The following TLE1 variants were observed in gnomAD, a reference collection of about 807,000 sequenced individuals.
The protein encoded by TLE1 is TLE family member 1, transcriptional corepressor.
TLE1 carries 21 observed loss-of-function variants against 89.8 expected under a neutral mutation model. The ratio of observed to expected loss-of-function variants is 0.23; its 90% confidence interval spans 0.17 to 0.34. The LOEUF is 0.34. Among genes scored for constraint, TLE1 ranks in the 10% least tolerant of loss-of-function variants. The pLI is 1.00. For synonymous variants in TLE1, 447 were observed against 407.6 expected (o/e 1.10, Z -1.16); for missense variants, 795 against 1,031.2 (o/e 0.77, Z 3.14).
intron 4 of TLE1, among the ~76,000 whole-genome samples, chr9:81,656,127 C>T (rs1725661757): frequency 2.0e-5 from 3 of 152,092 alleles, no homozygotes; most frequent in South Asian, 4.1e-4. Flanking sequence ...CTTTAGCCAG[C>T]GAGGCAGATA....
intron 14 of TLE1, among the ~76,000 whole-genome samples, chr9:81,597,057 G>C (rs1830315403): frequency 6.6e-6 from 1 of 152,140 alleles, no homozygotes; most frequent in Non-Finnish European, 1.5e-5. Context: ...ACCTCTCTCT[G>C]GTTCTCTGGC....
At chr9:81,678,571 T>C (rs1833192414) in intron 4 of TLE1, among the ~76,000 whole-genome samples, 1 of 152,090 alleles carries the variant, frequency 6.6e-6, no homozygotes, top group Non-Finnish European at 1.5e-5. Context: ...TTCCAGCACT[T>C]TGGGAGGCTG....
intron 8 of TLE1, among the ~76,000 whole-genome samples, chr9:81,627,344 C>G (rs1432185544): frequency 1.3e-5 from 2 of 151,250 alleles, no homozygotes; most frequent in Non-Finnish European, 2.9e-5. Context: ...AGTAAAGATG[C>G]CCTATTTTCA....
chr9:81,649,399 ATGTCCTTG>A (rs1829263716), intron 6 of TLE1, among the ~76,000 whole-genome samples: 2 of 152,152 alleles, frequency 1.3e-5, no homozygotes, highest in African/African-American at 2.4e-5. Flanking sequence ...TAGAAGCTGG[ATGTCCTTG>A]AGATGATTTA....
At chr9:81,610,361 A>G in intron 13 of TLE1, 65 bp from the exon 14 acceptor site, 2 of 1,192,490 alleles carry the variant, frequency 1.7e-6, no homozygotes, top group Non-Finnish European at 1.2e-6. Context: ...GAACATCAAT[A>G]CTGTTCATTA....
intron 8 of TLE1, among the ~76,000 whole-genome samples, chr9:81,623,020 G>A (rs1825472445): frequency 1.3e-5 from 2 of 152,172 alleles, no homozygotes; most frequent in African/African-American, 4.8e-5. Context: ...TTCCAGCCCT[G>A]ACGCTGCTTT....
At chr9:81,680,049 T>C (rs567680438) in intron 4 of TLE1, among the ~76,000 whole-genome samples, 1 of 152,368 alleles carries the variant, frequency 6.6e-6, no homozygotes, top group Admixed American at 6.5e-5. Context: ...TCTTAAGTCC[T>C]CTGGCGAAGG....
At chr9:81,655,808 G>A (rs975449370) in intron 4 of TLE1, among the ~76,000 whole-genome samples, 7 of 148,870 alleles carry the variant, frequency 4.7e-5, no homozygotes, top group Non-Finnish European at 8.9e-5. Flanking sequence ...AGCTGAGATC[G>A]CGCCACTATA....
At chr9:81,597,701 G>A (rs73650844) in intron 14 of TLE1, among the ~76,000 whole-genome samples, 4,199 of 152,142 alleles carry the variant, frequency 0.028, 215 homozygotes, top group African/African-American at 0.095. Flanking sequence ...TGTCAGAATC[G>A]AAAAGAATAA....
intron 4 of TLE1, among the ~76,000 whole-genome samples, chr9:81,666,045 CA>C (rs1187065433): frequency 6.6e-6 from 1 of 152,098 alleles, no homozygotes; most frequent in Non-Finnish European, 1.5e-5. Context: ...GCATCTTTGA[CA>C]AAAGCATCAC....
chr9:81,627,843 C>A (rs1826087096), intron 8 of TLE1, among the ~76,000 whole-genome samples: 1 of 152,130 alleles, frequency 6.6e-6, no homozygotes, highest in Non-Finnish European at 1.5e-5. Context: ...TGCTGACATG[C>A]TGAGAACCAT....
chr9:81,674,865 T>C (rs1412067956), intron 4 of TLE1, among the ~76,000 whole-genome samples: 1 of 152,170 alleles, frequency 6.6e-6, no homozygotes, highest in African/African-American at 2.4e-5. Flanking sequence ...TCTTAAAATG[T>C]ACATGGACGC....
At chr9:81,675,318 T>C (rs1172923707) in intron 4 of TLE1, among the ~76,000 whole-genome samples, 1 of 145,050 alleles carries the variant, frequency 6.9e-6, no homozygotes, top group Non-Finnish European at 1.5e-5. Context: ...GAAGACACTA[T>C]GTAAAGACTA....
At position 81,607,337 on chromosome 9, in the gene TLE1, T is replaced by TACACAC. The variant is rs3063325; in HGVS notation, c.1331+2877_1331+2882dup. 5.1e-3 allele frequency among the ~76,000 whole-genome samples: 768 copies of TACACAC among 150,376 alleles called. 8 individuals carry two copies. The highest frequency in any genetic ancestry group is 0.017 in the African/African-American group (711 of 40,924). On this transcript the variant is annotated intron_variant, in intron 14 of 19. Transcript: ENST00000376499. Reference sequence around the variant, plus strand: ...TCTGTCTTACAACTGACCCTGTTAATACACACACACACACACACATATAAG... The same window carrying TACACAC: ...TCTGTCTTACAACTGACCCTGTTAATACACACACACACACACACACACACATATAAG...
rs182999130 is a variant in TLE1 at position 81,684,505 on chromosome 9, C to T, written c.234+1171G>A. 3.1e-4 allele frequency among the ~76,000 whole-genome samples: 47 copies of T among 152,206 alleles called. No individual in the cohort carries two copies. The East Asian group carries it at 4.6e-3, about 15-fold the overall frequency. On this transcript the variant is annotated intron_variant, in intron 4 of 19. Coordinates refer to ENST00000376499, the MANE Select transcript of TLE1 (RefSeq NM_005077.5). ...ATGATGAATTAAAAATCAAAGAGTG[C>T]GGAGTTACAAAAGCAGAATTCAACT...
chr9:81,632,380 A>G (rs2132334384), intron 8 of TLE1, among the ~76,000 whole-genome samples: 1 of 151,938 alleles, frequency 6.6e-6, no homozygotes, highest in East Asian at 1.9e-4. Flanking sequence ...AGTAGCTACT[A>G]TTCTACACAG....
chr9:81,675,698 G>GTTTGTTTTTTTTTTT (rs1554701835), intron 4 of TLE1, among the ~76,000 whole-genome samples: 5 of 129,672 alleles, frequency 3.9e-5, no homozygotes, highest in African/African-American at 1.6e-4. Context: ...ACTCACACTA[G>GTTTGTTTTTTTTTTT]TTTTTTTTTG....
At chr9:81,595,711 C>T (rs538539444) in intron 14 of TLE1, among the ~76,000 whole-genome samples, 159 of 150,156 alleles carry the variant, frequency 1.1e-3, no homozygotes, top group African/African-American at 3.2e-3. Context: ...CCCAGCTACT[C>T]GGGAGGCTGA....
intron 4 of TLE1, among the ~76,000 whole-genome samples, chr9:81,659,114 G>T (rs927755805): frequency 2.6e-5 from 4 of 151,912 alleles, no homozygotes; most frequent in Non-Finnish European, 4.4e-5. Flanking sequence ...TCACCATGTT[G>T]GCCAGGATGG....
Sources: allele counts gnomAD v4.1 joint callset (sites outside exome capture counted in the v4.1 genomes callset), GRCh38; gene constraint gnomAD v4.1.1; transcripts MANE v1.5; gene names NCBI Gene and HGNC (gene_info 2026-07-23, HGNC 2026-07-21).